ZNRF1: variants seen among roughly 807,000 people sequenced by gnomAD.
ZNRF1 encodes the protein zinc and ring finger 1.
In ZNRF1, 3 loss-of-function variants were observed where a neutral mutation model predicts 18.4. The observed-to-expected ratio is 0.16, with a 90% CI of 0.07 to 0.42. The LOEUF is 0.42. Ranked by LOEUF, ZNRF1 falls within the 10% of genes least tolerant of loss-of-function variation. The probability of loss-of-function intolerance (pLI) is 0.99; values close to 1 mark genes in which losing one functional copy is unlikely to be tolerated. For missense variants in ZNRF1, 310 were observed against 329.8 expected (o/e 0.94, Z 0.47); for synonymous variants, 157 against 144.2 (o/e 1.09, Z -0.64).
chr16:75,053,707 C>A (rs2035634845), intron 1 of ZNRF1, among the ~76,000 whole-genome samples: 1 of 152,120 alleles, frequency 6.6e-6, no homozygotes, highest in African/African-American at 2.4e-5. Flanking sequence ...ACACATCCAC[C>A]TATTAAATAA....
intron 1 of ZNRF1, among the ~76,000 whole-genome samples, chr16:75,004,317 A>G (rs1231883289): frequency 2.4e-4 from 37 of 151,490 alleles, no homozygotes; most frequent in Admixed American, 2.4e-3. Context: ...TTTTGCTATA[A>G]CTCCTGATGG....
At chr16:75,058,113 T>C (rs1489833815) in intron 1 of ZNRF1, among the ~76,000 whole-genome samples, 1 of 151,584 alleles carries the variant, frequency 6.6e-6, no homozygotes, top group Non-Finnish European at 1.5e-5. Flanking sequence ...TTTCTTTTTT[T>C]TTTTTTTTTA....
chr16:75,035,119 T>TC (rs2035360748), intron 1 of ZNRF1, among the ~76,000 whole-genome samples: 2 of 85,482 alleles, frequency 2.3e-5, no homozygotes, highest in African/African-American at 4.6e-5. Flanking sequence ...ATCCCCACCC[T>TC]CCACCCCCCC....
At chr16:75,032,598 G>C (rs114557032) in intron 1 of ZNRF1, among the ~76,000 whole-genome samples, 2,809 of 152,100 alleles carry the variant, frequency 0.018, 89 homozygotes, top group African/African-American at 0.064. Context: ...ATACTATCTA[G>C]AAAATAATAA....
intron 1 of ZNRF1, among the ~76,000 whole-genome samples, chr16:75,003,893 A>C (rs111429416): frequency 1.3e-5 from 2 of 152,232 alleles, no homozygotes; most frequent in African/African-American, 4.8e-5. Flanking sequence ...AGGACATTCT[A>C]AATGGAGAGT....
rs1359363235 is a variant in ZNRF1, at chr16:75,095,562, C to G, written c.520+1895C>G. The G allele has an allele frequency of 2.0e-6, 3 of 1,493,178 alleles. No homozygotes were observed. In the South Asian group the frequency reaches 3.8e-5, roughly 19 times the overall value. 92.5% of individuals were successfully genotyped at this position (1,493,178 alleles called of 1,614,324 possible). The stretch of plus-strand genomic sequence containing the variant: ...AGTCCTCCGTTTGTCCTGTGGGTTG[C>G]TAGGGCGTTCTCTGTAGACACTGCG... On this transcript the variant is annotated intron_variant, in intron 2 of 4. Transcript: ENST00000335325.
In ZNRF1 at chr16:75,006,646, G is replaced by A. The variant is rs141620719; in HGVS notation, c.424+6551G>A. Among the ~76,000 whole-genome samples, 1,043 of 152,276 alleles carry A rather than the reference G, an allele frequency of 6.8e-3. 11 individuals carry two copies. Among genetic ancestry groups the A allele is most frequent in the African/African-American group, 0.024 (984 of 41,560 alleles). On this transcript the variant is annotated intron_variant, in intron 1 of 4. Transcript: ENST00000335325. ...AGACAGGGTTTCACCATGTTGGCCA[G>A]GCTGGTCTCGAACTCCTGACCTCGG... is the stretch of plus-strand genomic sequence containing the variant.
At chr16:75,010,386 C>T (rs1025376010) in intron 1 of ZNRF1, among the ~76,000 whole-genome samples, 14 of 152,074 alleles carry the variant, frequency 9.2e-5, no homozygotes, top group African/African-American at 2.2e-4. Context: ...GTATTCCCCT[C>T]GGGAATAAGT....
chr16:74,999,589 C>T lies in ZNRF1; in HGVS notation c.-83C>T, dbSNP rs1461018761. 10 of 1,066,924 alleles carry T rather than the reference C, an allele frequency of 9.4e-6. No individual in the cohort carries two copies. Among genetic ancestry groups the T allele is most frequent in the Non-Finnish European group, 1.2e-5 (10 of 823,132 alleles). 66.1% of individuals were successfully genotyped at this position (1,066,924 alleles called of 1,614,324 possible). A position where few individuals can be genotyped will look rare whatever the true frequency, so the allele number is the denominator to read the frequency against. ...CTTTTTGACTCCCTCCCCCTTTATG[C>T]TCGCCCAGCCCTCCCCCTGCTGCTG... On this transcript the variant is annotated 5_prime_UTR_variant, in exon 1 of 5. Coordinates refer to ENST00000335325, the MANE Select transcript of ZNRF1 (RefSeq NM_032268.5).
At chr16:75,007,914 G>A (rs891926652) in intron 1 of ZNRF1, among the ~76,000 whole-genome samples, 2 of 152,086 alleles carry the variant, frequency 1.3e-5, no homozygotes, top group African/African-American at 4.8e-5. Flanking sequence ...TGCCCGGGCT[G>A]GAGTGCAATA....
chr16:75,030,266 A>G (rs1236157253), intron 1 of ZNRF1, among the ~76,000 whole-genome samples: 3 of 152,162 alleles, frequency 2.0e-5, no homozygotes, highest in Non-Finnish European at 4.4e-5. Context: ...AGACCATTCA[A>G]TAGAGAAAGA....
At chr16:75,022,118 G>C (rs979088108) in intron 1 of ZNRF1, among the ~76,000 whole-genome samples, 15 of 152,258 alleles carry the variant, frequency 9.9e-5, no homozygotes, top group Admixed American at 7.8e-4. Context: ...GGGCTGGCAT[G>C]GTGGTGGGCA....
At chr16:75,105,207 G>A (rs572877135) in intron 3 of ZNRF1, 8 of 291,798 alleles carry the variant, frequency 2.7e-5, no homozygotes, top group South Asian at 1.1e-4. Context: ...TTGGTTCTCC[G>A]TCTGTCTCCC....
chr16:75,000,032 C>G lies in ZNRF1; in HGVS notation c.361C>G (p.Arg121Gly). 6.3e-7 allele frequency: 1 copy of G among 1,596,710 alleles called. No homozygotes were observed. Among genetic ancestry groups the G allele is most frequent in the Non-Finnish European group, 8.5e-7 (1 of 1,172,934 alleles). Residue 121 changes from arginine to glycine, a missense_variant, in exon 1 of 5, where the codon CGA becomes GGA. This residue lies in a region of ZNRF1 where 293 missense variants were observed against 291.2 expected (regional missense o/e 1.01). Coordinates refer to ENST00000335325, the MANE Select transcript of ZNRF1 (RefSeq NM_032268.5). ...AGACGGGATGCTGTACCTGGGCTCC[C>G]GAGCCTCGCTGGCGGATGCTCTACC... is the stretch of plus-strand genomic sequence containing the variant. ...HRDGMLYLGS[R>G]ASLADALPLH...
At chr16:75,041,928 G>A (rs2035453254) in intron 1 of ZNRF1, among the ~76,000 whole-genome samples, 1 of 152,006 alleles carries the variant, frequency 6.6e-6, no homozygotes, top group Non-Finnish European at 1.5e-5. Context: ...CCTGGGAGAC[G>A]GAGGTCGCAG....
intron 1 of ZNRF1, among the ~76,000 whole-genome samples, chr16:75,047,563 A>G (rs1484353947): frequency 1.3e-5 from 2 of 152,224 alleles, no homozygotes. Flanking sequence ...TTTGTTTTCT[A>G]ATTGTTATTG....
intron 2 of ZNRF1, among the ~76,000 whole-genome samples, chr16:75,101,469 T>A (rs1420847473): frequency 6.6e-6 from 1 of 151,810 alleles, no homozygotes; most frequent in Non-Finnish European, 1.5e-5. Flanking sequence ...CAGGAGAAAC[T>A]CTTGAGGCGG....
At chr16:75,082,059 G>A (rs553425985) in intron 1 of ZNRF1, among the ~76,000 whole-genome samples, 1 of 152,068 alleles carries the variant, frequency 6.6e-6, no homozygotes, top group Non-Finnish European at 1.5e-5. Flanking sequence ...CTTTTTTTTG[G>A]TAGAGATGGG....
rs1305927672 is a variant in ZNRF1, at chr16:75,071,353, G to A, written c.425-22219G>A. On this transcript the variant is annotated intron_variant, in intron 1 of 4. Transcript: ENST00000335325. ...GACCTCAAGCGATCTGCCCACCTTG[G>A]CCTCCCAATTACGGGTGTGAACCAC... 3.3e-5 allele frequency among the ~76,000 whole-genome samples: 5 copies of A among 152,172 alleles called. No individual in the cohort carries two copies. In the East Asian group the frequency reaches 5.8e-4, roughly 18 times the overall value.
Sources: allele counts gnomAD v4.1 joint callset (sites outside exome capture counted in the v4.1 genomes callset), GRCh38; gene constraint gnomAD v4.1.1; regional missense constraint gnomAD v4.1.1; transcripts MANE v1.5; gene names NCBI Gene and HGNC (gene_info 2026-07-23, HGNC 2026-07-21).